The following CIMIP1 variants were observed in gnomAD, a reference collection of about 807,000 sequenced individuals.
The protein encoded by CIMIP1 is ciliary microtubule inner protein 1, also known as low in lung cancer 1.
the CIMIP1 span, chr20:58,155,318 T>A: frequency 6.5e-6 from 4 of 613,218 alleles, no homozygotes. Flanking sequence ...ATGCCCCACT[T>A]CTGTGTCTAT....
At chr20:58,153,757 C>T in the CIMIP1 span, 1 of 683,700 alleles carries the variant, frequency 1.5e-6, no homozygotes, top group East Asian at 2.9e-5. Context: ...ACTCCTAAAC[C>T]AGAAGGTTCC....
the CIMIP1 span, among the ~76,000 whole-genome samples, chr20:58,160,013 C>T: frequency 5.3e-5 from 8 of 152,310 alleles, no homozygotes; most frequent in Non-Finnish European, 8.8e-5. Flanking sequence ...ACAAATGTCC[C>T]GCACTGTTGC....
the CIMIP1 span, among the ~76,000 whole-genome samples, chr20:58,153,042 G>A: frequency 6.6e-6 from 1 of 152,172 alleles, no homozygotes; most frequent in South Asian, 2.1e-4. Flanking sequence ...CTCAGCTCAT[G>A]GGTAGTTAGA....
At chr20:58,155,365 C>T in the CIMIP1 span, 1 of 886,860 alleles carries the variant, frequency 1.1e-6, no homozygotes, top group East Asian at 2.6e-5. Flanking sequence ...GGGGAGGACA[C>T]TCCCCCAGCT....
At chr20:58,157,336 C>T in the CIMIP1 span, among the ~76,000 whole-genome samples, 3 of 152,220 alleles carry the variant, frequency 2.0e-5, no homozygotes, top group South Asian at 2.1e-4. Context: ...CTTAAAAAAG[C>T]TGAATTCCTT....
At chr20:58,158,051 A>T in the CIMIP1 span, among the ~76,000 whole-genome samples, 3 of 152,190 alleles carry the variant, frequency 2.0e-5, no homozygotes, top group African/African-American at 7.2e-5. Context: ...CTCTGCCACC[A>T]GGGCCCCTGG....
At chr20:58,159,766 C>A in the CIMIP1 span, among the ~76,000 whole-genome samples, 2 of 152,166 alleles carry the variant, frequency 1.3e-5, no homozygotes, top group Admixed American at 6.5e-5. Context: ...GTAGCTGGTT[C>A]AAGGAAGCTT....
the CIMIP1 span, among the ~76,000 whole-genome samples, chr20:58,157,875 G>A: frequency 2.6e-5 from 4 of 152,224 alleles, no homozygotes; most frequent in African/African-American, 9.6e-5. Context: ...CTGGGATGTA[G>A]GTGGGACATT....
the CIMIP1 span, among the ~76,000 whole-genome samples, chr20:58,158,174 C>T: frequency 2.0e-5 from 3 of 152,072 alleles, no homozygotes; most frequent in African/African-American, 4.8e-5. Flanking sequence ...ATCCAGGCAC[C>T]AGAACATACC....
chr20:58,158,354 A>G, the CIMIP1 span, among the ~76,000 whole-genome samples: 1 of 152,214 alleles, frequency 6.6e-6, no homozygotes, highest in East Asian at 1.9e-4. Context: ...TTTCTTGCCC[A>G]AGAAATGGTA....
the CIMIP1 span, among the ~76,000 whole-genome samples, chr20:58,154,129 A>T: frequency 6.6e-6 from 1 of 152,218 alleles, no homozygotes; most frequent in Admixed American, 6.5e-5. Context: ...ATTCTTGGGA[A>T]AATGCTGTCG....
the CIMIP1 span, among the ~76,000 whole-genome samples, chr20:58,158,913 TA>T: frequency 6.6e-6 from 1 of 152,170 alleles, no homozygotes; most frequent in Non-Finnish European, 1.5e-5. Context: ...ATACTTTGAA[TA>T]GTTTTGTGCA....
chr20:58,160,577 TC>T, the CIMIP1 span: 1 of 1,441,366 alleles, frequency 6.9e-7, no homozygotes. Flanking sequence ...TTCTGTCTTT[TC>T]CACCCCTGCC....
At chr20:58,151,012 T>C in the CIMIP1 span, 1 of 1,608,824 alleles carries the variant, frequency 6.2e-7, no homozygotes, top group Non-Finnish European at 8.5e-7. Context: ...GCATGAACCT[T>C]GTGGGTCAGG....
the CIMIP1 span, among the ~76,000 whole-genome samples, chr20:58,154,375 T>G: frequency 7.9e-5 from 12 of 152,364 alleles, no homozygotes; most frequent in South Asian, 2.5e-3. Flanking sequence ...ACATGAAATT[T>G]TCTGAGTCTA....
the CIMIP1 span, chr20:58,160,543 C>T: frequency 1.9e-6 from 2 of 1,061,740 alleles, no homozygotes; most frequent in African/African-American, 1.6e-5. Flanking sequence ...GTTTTCAGTA[C>T]ACATCAGGGA....
chr20:58,155,917 C>A, the CIMIP1 span, among the ~76,000 whole-genome samples: 1 of 152,194 alleles, frequency 6.6e-6, no homozygotes, highest in Non-Finnish European at 1.5e-5. Flanking sequence ...CCACCAGATC[C>A]CTGTGCTGAT....
the CIMIP1 span, chr20:58,160,768 C>T: frequency 6.2e-7 from 1 of 1,614,084 alleles, no homozygotes. Flanking sequence ...CGATCAGAAG[C>T]TGCAAAGGTG....
chr20:58,159,183 C>CTTTTTTT, the CIMIP1 span, among the ~76,000 whole-genome samples: 194 of 103,986 alleles, frequency 1.9e-3, no homozygotes, highest in Middle Eastern at 7.9e-3. Context: ...GCACTTTCTT[C>CTTTTTTT]TTTTTTTTTT....
Sources: gnomAD v4.1 joint callset for allele counts (sites outside exome capture counted in the v4.1 genomes callset) on GRCh38, gnomAD v4.1.1 for gene constraint, MANE v1.5 for transcripts, NCBI Gene and HGNC (gene_info 2026-07-23, HGNC 2026-07-21) for gene names.